The following DMD variants were observed in gnomAD, a reference collection of about 807,000 sequenced individuals.
The protein encoded by DMD is mutant dystrophin.
A neutral mutation model predicts 330.1 loss-of-function variants in DMD; 63 were observed. That is an observed-to-expected ratio of 0.19 (90% CI 0.16 to 0.24). The LOEUF is 0.24. Among genes scored for constraint, DMD ranks in the 10% least tolerant of loss-of-function variants. DMD has a pLI of 1.00. For synonymous variants in DMD, 1,223 were observed against 959.8 expected (o/e 1.27, Z -5.07); for missense variants, 3,344 against 2,684.1 (o/e 1.25, Z -5.43).
intron 7 of DMD, among the ~76,000 whole-genome samples, chrX:32,803,194 G>C (rs1260117659): frequency 9.0e-6 from 1 of 111,276 alleles, no homozygotes; most frequent in Non-Finnish European, 1.9e-5. Context: ...GTTTAATCTT[G>C]GAAGAGTGTA....
intron 16 of DMD, among the ~76,000 whole-genome samples, chrX:32,548,655 A>G (rs1262080482): frequency 1.8e-5 from 2 of 112,064 alleles, no homozygotes; most frequent in African/African-American, 6.5e-5. Context: ...TCTGTTGCAC[A>G]GTGTATATTT....
chrX:33,092,027 TAAG>T (rs2095091645), intron 1 of DMD, among the ~76,000 whole-genome samples: 1 of 111,900 alleles, frequency 8.9e-6, no homozygotes, highest in Non-Finnish European at 1.9e-5. Context: ...CTGATTTTTT[TAAG>T]AAGATGAAGC....
intron 1 of DMD, among the ~76,000 whole-genome samples, chrX:33,022,924 C>G (rs923470672): frequency 2.7e-5 from 3 of 111,649 alleles, no homozygotes; most frequent in African/African-American, 9.7e-5. Flanking sequence ...ATGTTGTAAC[C>G]TATGTGAATA....
At chrX:31,251,429 A>T (rs1312390953) in intron 63 of DMD, among the ~76,000 whole-genome samples, 1 of 112,126 alleles carries the variant, frequency 8.9e-6, no homozygotes, top group Non-Finnish European at 1.9e-5. Context: ...CCGTTATATA[A>T]GCTTCTATTT....
At chrX:31,333,910 G>A (rs1336779263) in intron 61 of DMD, among the ~76,000 whole-genome samples, 1 of 110,651 alleles carries the variant, frequency 9.0e-6, no homozygotes, top group African/African-American at 3.3e-5. Flanking sequence ...GACTACACAC[G>A]AAACTGGAAA....
At chrX:32,387,163 G>A (rs978507671) in intron 32 of DMD, among the ~76,000 whole-genome samples, 4 of 110,439 alleles carry the variant, frequency 3.6e-5, no homozygotes, top group Non-Finnish European at 7.6e-5. Flanking sequence ...CACACATACG[G>A]TTTCACAAAA....
At chrX:33,326,187 C>T (rs922322029) in intron 1 of DMD, among the ~76,000 whole-genome samples, 1 of 109,937 alleles carries the variant, frequency 9.1e-6, no homozygotes, top group Non-Finnish European at 1.9e-5. Context: ...GTCTTACTGG[C>T]TGTGTAACTC....
intron 51 of DMD, among the ~76,000 whole-genome samples, chrX:31,770,900 T>C (rs1339820622): frequency 8.9e-6 from 1 of 112,243 alleles, no homozygotes; most frequent in East Asian, 2.8e-4. Context: ...GTTATTATTT[T>C]CTTCCTTCAA....
intron 53 of DMD, among the ~76,000 whole-genome samples, chrX:31,668,225 CCTTT>C (rs1390106635): frequency 9.0e-4 from 100 of 110,927 alleles, no homozygotes; most frequent in African/African-American, 3.2e-3. Flanking sequence ...TTGTCTTTTC[CCTTT>C]CTTTACAATA....
chrX:32,320,741 ATTTG>A (rs1408136617), intron 41 of DMD, among the ~76,000 whole-genome samples: 2 of 111,978 alleles, frequency 1.8e-5, no homozygotes, highest in Non-Finnish European at 3.8e-5. Context: ...AGAAAGAAAG[ATTTG>A]TTTCTTTTTC....
At chrX:31,694,639 TATATATATATAC>T (rs1253795527) in intron 52 of DMD, among the ~76,000 whole-genome samples, 5 of 90,841 alleles carry the variant, frequency 5.5e-5, no homozygotes, top group African/African-American at 1.3e-4. Context: ...TATATATATA[TATATATATATAC>T]ACACACATAT....
chrX:32,835,273 A>T (rs889690323), intron 4 of DMD, among the ~76,000 whole-genome samples: 1 of 112,040 alleles, frequency 8.9e-6, no homozygotes, highest in Non-Finnish European at 1.9e-5. Context: ...TGTATAAGAG[A>T]TGTTTCATCC....
At chrX:33,190,167 T>C (rs998679559) in intron 1 of DMD, among the ~76,000 whole-genome samples, 4 of 110,699 alleles carry the variant, frequency 3.6e-5, no homozygotes, top group Non-Finnish European at 5.7e-5. Context: ...GGAAATGGAC[T>C]GTTTTATGTA....
intron 20 of DMD, 59 bp from the exon 21 acceptor site, chrX:32,485,158 C>G (rs2042291965): frequency 9.0e-7 from 1 of 1,112,989 alleles, no homozygotes; most frequent in Admixed American, 2.2e-5. Context: ...TTACATTTTG[C>G]AAAAGAAGGT....
intron 50 of DMD, among the ~76,000 whole-genome samples, chrX:31,788,503 C>G (rs1031113256): frequency 9.0e-6 from 1 of 111,467 alleles, no homozygotes; most frequent in African/African-American, 3.3e-5. Context: ...ATGATCTACC[C>G]TGAAGAATTG....
chrX:32,618,209 T>C (rs1315009711), intron 11 of DMD, among the ~76,000 whole-genome samples: 1 of 112,203 alleles, frequency 8.9e-6, no homozygotes, highest in Non-Finnish European at 1.9e-5. Context: ...AAAAGACACA[T>C]GCACACATAT....
In DMD at chrX:31,146,372, G is replaced by A. The variant is rs1166112191; in HGVS notation, c.10840C>T (p.Pro3614Ser). 8.3e-7 allele frequency: 1 copy of A among 1,210,420 alleles called. No homozygotes were observed. Among genetic ancestry groups the A allele is most frequent in the African/African-American group, 1.7e-5 (1 of 57,906 alleles). The change falls in exon 76 of 79, where the codon CCT (proline) becomes TCT (serine). Residue 3614 changes from proline to serine, a missense_variant. By Grantham distance (74) the Pro-to-Ser change is moderately conservative. Transcript: ENST00000357033. ...AKVNGTTVSS[P>S]STSLQRSDSS... ...TCGGACCTCTGTAGAGAGGTAGAAG[G>A]AGAGGACACCGTTGTGCCATTCACT... is the stretch of plus-strand genomic sequence containing the variant.
intron 51 of DMD, among the ~76,000 whole-genome samples, chrX:31,754,267 T>C (rs987672301): frequency 9.0e-6 from 1 of 111,449 alleles, no homozygotes; most frequent in African/African-American, 3.3e-5. Context: ...AAATAGTAAA[T>C]AAAGATCCTA....
intron 48 of DMD, among the ~76,000 whole-genome samples, chrX:31,840,477 A>G (rs1157463906): frequency 9.1e-6 from 1 of 109,985 alleles, no homozygotes; most frequent in Non-Finnish European, 1.9e-5. Context: ...GTGGATATAT[A>G]GACACATGTA....
Sources: gnomAD v4.1 joint callset for allele counts (sites outside exome capture counted in the v4.1 genomes callset) on GRCh38, gnomAD v4.1.1 for gene constraint, MANE v1.5 for transcripts, NCBI Gene and HGNC (gene_info 2026-07-23, HGNC 2026-07-21) for gene names.